Variants in SMG5 observed in about 807,000 individuals in gnomAD.
The protein encoded by SMG5 is nonsense-mediated mRNA decay factor SMG5.
In SMG5, 53 loss-of-function variants were observed where a neutral mutation model predicts 122.9. The observed-to-expected ratio is 0.43, with a 90% confidence interval of 0.35 to 0.54. The LOEUF (loss-of-function observed/expected upper bound fraction) is 0.54. Ranked by LOEUF, SMG5 falls within the 20% of genes least tolerant of loss-of-function variation. SMG5 has a pLI of 0.01. For synonymous variants in SMG5, 477 were observed against 490.2 expected, an observed-to-expected ratio of 0.97 and a Z score of 0.35; for missense variants, 1,153 against 1,285.6, an observed-to-expected ratio of 0.90 and a Z score of 1.58.
intron 10 of SMG5, among the ~76,000 whole-genome samples, chr1:156,267,166 A>G (rs899042670): frequency 3.3e-5 from 5 of 152,192 alleles, no homozygotes. Flanking sequence ...AAGGTCTGAA[A>G]TTCTGTCTGG....
intron 13 of SMG5, among the ~76,000 whole-genome samples, chr1:156,263,119 G>A (rs1003452388): frequency 2.0e-5 from 3 of 152,138 alleles, no homozygotes; most frequent in Non-Finnish European, 4.4e-5. Context: ...ACTTCTACCG[G>A]CATTACTCAT....
chr1:156,250,098 C>T lies in SMG5; in HGVS notation c.*489G>A. ...GGGGCTGAAAGGAGGATGGGTGATCCTTGAGGAGGGGAAGGGTCTGCAGAG... is the reference window on the plus strand; with the variant it reads ...GGGGCTGAAAGGAGGATGGGTGATCTTTGAGGAGGGGAAGGGTCTGCAGAG... On this transcript the variant is annotated 3_prime_UTR_variant, in exon 22 of 22. Transcript: ENST00000361813. 1 of 376,746 alleles carries T rather than the reference C, an allele frequency of 2.7e-6. No individual in the cohort carries two copies. Among genetic ancestry groups the T allele is most frequent in the South Asian group, 2.0e-5 (1 of 49,830 alleles). 23.3% of individuals were successfully genotyped at this position (376,746 alleles called of 1,614,324 possible). A position where few individuals can be genotyped will look rare whatever the true frequency, so the allele number is the denominator to read the frequency against.
rs202146308 is a variant in SMG5 at position 156,266,251 on chromosome 1, C to T, written c.1385G>A (p.Arg462His). 2.5e-6 allele frequency: 4 copies of T among 1,614,200 alleles called. No individual in the cohort carries two copies. The highest frequency in any genetic ancestry group is 2.2e-5 in the East Asian group (1 of 44,874). The change falls in exon 12 of 22, where the codon CGC (arginine) becomes CAC (histidine). Residue 462 changes from arginine to histidine, a missense_variant. Transcript: ENST00000361813. Reference protein sequence around the residue: ...KFSRLSCLRRRRHPPKVGDDS... With the variant: ...KFSRLSCLRRHRHPPKVGDDS... Reference sequence around the variant, plus strand: ...ATCACCAACTTTGGGTGGGTGGCGGCGACGGCGGAGACAGGAGAGGCGAGA... The same window carrying T: ...ATCACCAACTTTGGGTGGGTGGCGGTGACGGCGGAGACAGGAGAGGCGAGA...
At position 156,252,522 on chromosome 1, in the gene SMG5, GA is replaced by G. The variant is rs1661396914; in HGVS notation, c.2663-19del. The G allele has an allele frequency of 5.6e-6, 9 of 1,613,414 alleles. No homozygotes were observed. Among genetic ancestry groups the G allele is most frequent in the Non-Finnish European group, 7.6e-6 (9 of 1,179,562 alleles). On this transcript the variant is annotated intron_variant, in intron 18 of 21. Coordinates refer to ENST00000361813, the MANE Select transcript of SMG5 (RefSeq NM_015327.3). ...ATCGATCACTGGTGGGCAAGGTAGG[GA>G]AAGACAAAACAGATAAGCTCAGACT...
rs751982044 is a variant in SMG5, at chr1:156,260,441, C to T, written c.2283+10G>A. On this transcript the variant is annotated intron_variant, in intron 15 of 21. Coordinates refer to ENST00000361813, the MANE Select transcript of SMG5 (RefSeq NM_015327.3). ...AAACAGAGCTGTGGCATAAGAAATGCTATCCTTACCTCCTCTAAGGTGCTG... is the reference window on the plus strand; with the variant it reads ...AAACAGAGCTGTGGCATAAGAAATGTTATCCTTACCTCCTCTAAGGTGCTG... The T allele has an allele frequency of 2.0e-5, 32 of 1,595,736 alleles. No homozygotes were observed. Among genetic ancestry groups the T allele is most frequent in the Non-Finnish European group, 2.7e-5 (32 of 1,173,482 alleles).
chr1:156,251,105 G>A (rs1423956909), intron 20 of SMG5, 109 bp from the exon 21 acceptor site: 2 of 1,416,658 alleles, frequency 1.4e-6, no homozygotes, highest in African/African-American at 2.8e-5. Context: ...AGGGCAGTGA[G>A]CAGCAGTGGG....
Position 156,259,007 on chromosome 1 carries a change from T to C in SMG5, c.2440A>G (p.Met814Val). Residue 814 changes from methionine (M) to valine (V), a missense_variant and splice_region_variant, in exon 16 of 22, where the codon ATG becomes GTG. Transcript: ENST00000361813. ...GGGGAGGGGAAGGCCTGACTCACCA[T>C]TCGGAACTGTGCCTGGGCCTGCTGC... ...LLQQAQAQFR[M>V]AQEEARRNRL... 6.2e-7 allele frequency: 1 copy of C among 1,613,628 alleles called. No individual in the cohort carries two copies. The highest frequency in any genetic ancestry group is 8.5e-7 in the Non-Finnish European group (1 of 1,179,794).
chr1:156,263,328 C>T, intron 13 of SMG5, 67 bp downstream of exon 13: 1 of 1,523,884 alleles, frequency 6.6e-7, no homozygotes, highest in Non-Finnish European at 8.9e-7. Flanking sequence ...CCTCAGGCCC[C>T]ATCCTGGCTC....
At chr1:156,290,854 A>T in the SMG5 span, 2 of 150,882 alleles carry the variant, frequency 1.3e-5, no homozygotes, top group East Asian at 1.9e-4. Flanking sequence ...ATAATAATTT[A>T]AAAAATCACT....
chr1:156,250,173 G>T lies in SMG5; in HGVS notation c.*414C>A. The T allele has an allele frequency of 2.8e-6, 1 of 352,342 alleles. No individual in the cohort carries two copies. The highest frequency in any genetic ancestry group is 5.6e-6 in the Non-Finnish European group (1 of 177,972). 21.8% of individuals were successfully genotyped at this position (352,342 alleles called of 1,614,324 possible). On this transcript the variant is annotated 3_prime_UTR_variant, in exon 22 of 22. Coordinates refer to ENST00000361813, the MANE Select transcript of SMG5 (RefSeq NM_015327.3). ...CCAGCTCTTCCCCCAAGACCTAGAG[G>T]GTCCAAACTCCTGGCCCCAACCACC...
In SMG5 at chr1:156,279,074, C is replaced by G. The variant is rs571049753; in HGVS notation, c.75-40G>C. 5 of 1,531,302 alleles carry G rather than the reference C, an allele frequency of 3.3e-6. No individual in the cohort carries two copies. In the African/African-American group the frequency reaches 6.8e-5, roughly 21 times the overall value. The allele number at this position is 1,531,302 out of a possible 1,614,324, so 94.9% of individuals were successfully genotyped here. A position where few individuals can be genotyped will look rare whatever the true frequency, so the allele number is the denominator to read the frequency against. ...AGGCAAATATCCCCTCAGCCATATG[C>G]ATGGTCCACAGAGGATGACGCTGGG... On this transcript the variant is annotated intron_variant, in intron 1 of 21. Coordinates refer to ENST00000361813, the MANE Select transcript of SMG5 (RefSeq NM_015327.3).
intron 10 of SMG5, 102 bp downstream of exon 10, chr1:156,267,368 G>C (rs1662197790): frequency 2.5e-6 from 3 of 1,188,884 alleles, no homozygotes; most frequent in Non-Finnish European, 3.6e-6. Context: ...GGAGTGAAGA[G>C]GCTGCTTGTG....
At chr1:156,285,458 T>C (rs1431804172), upstream of SMG5, 8 of 1,613,880 alleles carry the variant, frequency 5.0e-6, no homozygotes, top group South Asian at 2.2e-5. Flanking sequence ...CACCTTGCCC[T>C]GGGGGACTGG....
upstream of SMG5, chr1:156,286,300 C>G (rs1160732404): frequency 6.2e-7 from 1 of 1,614,236 alleles, no homozygotes. Context: ...GCTTTTCTGC[C>G]CTTCGGCCCT....
intron 15 of SMG5, among the ~76,000 whole-genome samples, chr1:156,259,982 T>C (rs1661746395): frequency 6.6e-6 from 1 of 152,180 alleles, no homozygotes; most frequent in Admixed American, 6.5e-5. Context: ...GCCTGTCTGC[T>C]TGACTTCCCT....
chr1:156,264,739 G>A (rs1043755770), intron 12 of SMG5, among the ~76,000 whole-genome samples: 1 of 152,066 alleles, frequency 6.6e-6, no homozygotes, highest in Admixed American at 6.6e-5. Context: ...ATAAAAGTTT[G>A]GAGGGGCTAG....
chr1:156,287,965 G>A, the SMG5 span, among the ~76,000 whole-genome samples: 1 of 151,734 alleles, frequency 6.6e-6, no homozygotes, highest in African/African-American at 2.4e-5. Context: ...AATCCTTAGG[G>A]GTACTTTGGG....
intron 6 of SMG5, among the ~76,000 whole-genome samples, chr1:156,272,797 G>A (rs1208917): frequency 4.6e-5 from 7 of 151,964 alleles, no homozygotes; most frequent in South Asian, 2.1e-4. Context: ...ATCTCCTGAC[G>A]TCGTGATCTG....
chr1:156,274,671 A>T lies in SMG5; in HGVS notation c.470T>A (p.Val157Glu). The T allele has an allele frequency of 6.2e-7, 1 of 1,613,870 alleles. No individual in the cohort carries two copies. The highest frequency in any genetic ancestry group is 1.1e-5 in the South Asian group (1 of 91,080). ...ATCCATCTCCTTCCCTGAGGCAGAC[A>T]CTGGCTTCTTGCATCCTATGAGACA... Reference protein sequence around the residue: ...TDPLIGCKKPVSASGKEMDWA... With the variant: ...TDPLIGCKKPESASGKEMDWA... Residue 157 changes from valine (V) to glutamate (E), a missense_variant, in exon 5 of 22, where the codon GTG becomes GAG. Val to Glu is a moderately radical substitution (Grantham distance 121). Transcript: ENST00000361813.
Sources: gnomAD v4.1 joint callset for allele counts (sites outside exome capture counted in the v4.1 genomes callset) on GRCh38, gnomAD v4.1.1 for gene constraint, MANE v1.5 for transcripts, NCBI Gene and HGNC (gene_info 2026-07-23, HGNC 2026-07-21) for gene names.